RANBP2: variants seen among roughly 807,000 people sequenced by gnomAD.
The protein encoded by RANBP2 is RAN binding protein 2.
In RANBP2, 57 loss-of-function variants were observed where a neutral mutation model predicts 303.6. That is an observed-to-expected ratio of 0.19 (90% confidence interval 0.15 to 0.23). The LOEUF is 0.23. RANBP2 is among the 10% of genes least tolerant of loss of function. The pLI, the probability that RANBP2 is intolerant of heterozygous loss-of-function variation, is 1.00. For synonymous variants in RANBP2, 1,167 were observed against 1,301.5 expected (o/e 0.90, Z 2.23); for missense variants, 3,138 against 3,780.8 (o/e 0.83, Z 4.46).
intron 28 of RANBP2, 95 bp from the exon 29 acceptor site, chr2:108,783,501 T>C (rs1251647418): frequency 4.7e-6 from 4 of 844,432 alleles, no homozygotes; most frequent in Non-Finnish European, 7.4e-6. Flanking sequence ...ATTTAACATG[T>C]AGTGATGAGT....
the RANBP2 span, among the ~76,000 whole-genome samples, chr2:108,855,375 C>T: frequency 1.9e-3 from 287 of 151,892 alleles, 7 homozygotes; most frequent in Admixed American, 0.017. Context: ...AAATTATATA[C>T]TAAGAATAAT....
chr2:109,454,594 A>G, the RANBP2 span, among the ~76,000 whole-genome samples: 1 of 152,190 alleles, frequency 6.6e-6, no homozygotes, highest in Non-Finnish European at 1.5e-5. Context: ...TGGCCTGGCC[A>G]TGAGTTCCAC....
At chr2:109,425,793 T>A in the RANBP2 span, among the ~76,000 whole-genome samples, 1 of 152,236 alleles carries the variant, frequency 6.6e-6, no homozygotes, top group Non-Finnish European at 1.5e-5. Flanking sequence ...ATGAATGTTG[T>A]TTTCATGCCT....
At chr2:108,897,507 C>G in the RANBP2 span, among the ~76,000 whole-genome samples, 1 of 152,138 alleles carries the variant, frequency 6.6e-6, no homozygotes. Flanking sequence ...TAATAATTCC[C>G]TCATGACCAT....
chr2:108,726,248 G>A (rs1339168574), intron 1 of RANBP2, among the ~76,000 whole-genome samples: 1 of 152,108 alleles, frequency 6.6e-6, no homozygotes, highest in Admixed American at 6.6e-5. Context: ...GTATGTGCTC[G>A]CCACCCGCTA....
the RANBP2 span, among the ~76,000 whole-genome samples, chr2:109,217,671 C>T: frequency 6.6e-6 from 1 of 152,222 alleles, no homozygotes; most frequent in Non-Finnish European, 1.5e-5. Flanking sequence ...AGCTCTCTCA[C>T]CGGCTAGAAG....
the RANBP2 span, among the ~76,000 whole-genome samples, chr2:108,926,700 G>A: frequency 7.4e-4 from 112 of 152,320 alleles, no homozygotes; most frequent in African/African-American, 2.6e-3. Flanking sequence ...AAAGCCTCGG[G>A]TGCTGCTCAT....
chr2:109,190,224 A>G, the RANBP2 span, among the ~76,000 whole-genome samples: 1 of 151,266 alleles, frequency 6.6e-6, no homozygotes, highest in South Asian at 2.1e-4. Context: ...CCCAGGCTGG[A>G]GTGCAGTGGC....
chr2:109,657,714 G>GTTTTT, the RANBP2 span, among the ~76,000 whole-genome samples: 43 of 82,216 alleles, frequency 5.2e-4, 2 homozygotes, highest in Non-Finnish European at 6.4e-4. Flanking sequence ...AATTAGCTGA[G>GTTTTT]TTTTTTTTTT....
downstream of RANBP2, chr2:108,786,621 G>A (rs1678765214): frequency 4.9e-6 from 3 of 607,264 alleles, no homozygotes; most frequent in Non-Finnish European, 5.9e-6. Context: ...GTTACGAGGT[G>A]TGTAGTGCTA....
At chr2:109,699,663 G>A in the RANBP2 span, among the ~76,000 whole-genome samples, 1 of 152,194 alleles carries the variant, frequency 6.6e-6, no homozygotes, top group Non-Finnish European at 1.5e-5. Flanking sequence ...AGGAGGAGGA[G>A]GAGGGGTTGG....
At chr2:109,085,023 C>T in the RANBP2 span, among the ~76,000 whole-genome samples, 7 of 152,234 alleles carry the variant, frequency 4.6e-5, no homozygotes, top group South Asian at 2.1e-4. Flanking sequence ...GCTCTCACTG[C>T]GGGGGACAGA....
chr2:108,745,579 G>C (rs1336556832), intron 7 of RANBP2, among the ~76,000 whole-genome samples: 1 of 144,082 alleles, frequency 6.9e-6, no homozygotes, highest in Non-Finnish European at 1.5e-5. Context: ...TCTTCCCTTT[G>C]CCATTCTATT....
chr2:108,836,812 A>C, the RANBP2 span, among the ~76,000 whole-genome samples: 7 of 151,622 alleles, frequency 4.6e-5, no homozygotes, highest in African/African-American at 1.7e-4. Context: ...ATTTTCATTC[A>C]TTTTGATGCT....
At chr2:109,094,650 C>T in the RANBP2 span, among the ~76,000 whole-genome samples, 2 of 152,060 alleles carry the variant, frequency 1.3e-5, no homozygotes, top group Non-Finnish European at 2.9e-5. Flanking sequence ...GCCAACATGA[C>T]GAAACCCTGT....
the RANBP2 span, among the ~76,000 whole-genome samples, chr2:109,699,259 C>T: frequency 3.9e-5 from 6 of 152,204 alleles, no homozygotes; most frequent in East Asian, 1.9e-4. Flanking sequence ...CCTTTCTTTG[C>T]GCATTTTCTT....
the RANBP2 span, among the ~76,000 whole-genome samples, chr2:109,337,852 C>T: frequency 1.3e-5 from 2 of 151,850 alleles, no homozygotes; most frequent in African/African-American, 2.4e-5. Flanking sequence ...CTCAGCCTCC[C>T]GAGTAGCTGG....
chr2:109,468,432 CATTG>C, the RANBP2 span, among the ~76,000 whole-genome samples: 1 of 152,200 alleles, frequency 6.6e-6, no homozygotes, highest in Non-Finnish European at 1.5e-5. Context: ...TGTGATCTGT[CATTG>C]ACCAAAACGT....
chr2:109,120,197 T>C, the RANBP2 span, among the ~76,000 whole-genome samples: 3 of 152,200 alleles, frequency 2.0e-5, no homozygotes, highest in Non-Finnish European at 4.4e-5. Flanking sequence ...TGGAGTCACC[T>C]GGCCCAACTC....
Sources: allele counts gnomAD v4.1 joint callset (sites outside exome capture counted in the v4.1 genomes callset), GRCh38; gene constraint gnomAD v4.1.1; transcripts MANE v1.5; gene names NCBI Gene and HGNC (gene_info 2026-07-23, HGNC 2026-07-21).